DNAH6: variants seen among roughly 807,000 people sequenced by gnomAD.
The protein encoded by DNAH6 is axonemal beta dynein heavy chain 6.
DNAH6 carries 340 observed loss-of-function variants against 491.4 expected under a neutral mutation model. That is an observed-to-expected ratio of 0.69 (90% CI 0.63 to 0.76). The LOEUF is 0.76. DNAH6 is among the 30% of genes least tolerant of loss of function. The probability of loss-of-function intolerance (pLI) is 0.00; values close to 1 mark genes in which losing one functional copy is unlikely to be tolerated. For missense variants in DNAH6, 4,443 were observed against 4,972.2 expected (o/e 0.89, Z 3.20); for synonymous variants, 1,603 against 1,686.1 (o/e 0.95, Z 1.21).
chr2:84,525,506 A>G, intron 2 of DNAH6, 59 bp from the exon 3 acceptor site: 4 of 1,486,510 alleles, frequency 2.7e-6, no homozygotes, highest in Non-Finnish European at 3.6e-6. Flanking sequence ...GGTAGTGAAA[A>G]ATAAAACAAG....
the DNAH6 span, among the ~76,000 whole-genome samples, chr2:84,479,265 T>C: frequency 1.3e-5 from 2 of 152,218 alleles, no homozygotes; most frequent in African/African-American, 2.4e-5. Flanking sequence ...CACTTTGGGC[T>C]GCAGTATTAG....
At position 84,527,655 on chromosome 2, in the gene DNAH6, C is replaced by T. The variant is rs1676729131; in HGVS notation, c.400-1249C>T. Reference sequence around the variant, plus strand: ...AAGAGAACAGTGTTATTGCTGCCATCCCTGGCCAAGAAGTCAAAGACACAC... The same window carrying T: ...AAGAGAACAGTGTTATTGCTGCCATTCCTGGCCAAGAAGTCAAAGACACAC... On this transcript the variant is annotated intron_variant, in intron 3 of 76. Coordinates refer to ENST00000389394, the MANE Select transcript of DNAH6 (RefSeq NM_001370.2). Among the ~76,000 whole-genome samples the T allele has an allele frequency of 2.6e-5, 4 of 152,170 alleles. No individual in the cohort carries two copies. In the South Asian group the frequency reaches 8.3e-4, roughly 31 times the overall value.
chr2:84,499,613 C>G, the DNAH6 span, among the ~76,000 whole-genome samples: 1 of 152,162 alleles, frequency 6.6e-6, no homozygotes, highest in Non-Finnish European at 1.5e-5. Context: ...TGAGGAACCT[C>G]CAAACAGTTC....
the DNAH6 span, among the ~76,000 whole-genome samples, chr2:84,508,562 T>C: frequency 6.6e-6 from 1 of 152,198 alleles, no homozygotes; most frequent in Non-Finnish European, 1.5e-5. Context: ...ATGTCTTTAT[T>C]TCCTTTAGTT....
chr2:84,720,310 G>A (rs1394630242), intron 59 of DNAH6, among the ~76,000 whole-genome samples: 2 of 107,162 alleles, frequency 1.9e-5, no homozygotes, highest in Non-Finnish European at 3.4e-5. Flanking sequence ...ACAGAGTCTC[G>A]CTCTGTCGCC....
chr2:84,468,884 C>A, the DNAH6 span, among the ~76,000 whole-genome samples: 1 of 152,120 alleles, frequency 6.6e-6, no homozygotes, highest in Non-Finnish European at 1.5e-5. Flanking sequence ...GCCACATGAT[C>A]AAAAGGTCAA....
rs1699281862 is a variant in DNAH6 at position 84,733,486 on chromosome 2, A to G, written c.10249A>G (p.Thr3417Ala). 1 of 1,551,436 alleles carries G rather than the reference A, an allele frequency of 6.4e-7. No homozygotes were observed. Among genetic ancestry groups the G allele is most frequent in the Non-Finnish European group, 8.7e-7 (1 of 1,146,750 alleles). ...KPEAPWLPTATWFACCDLEES... is the reference protein window; with the variant it reads ...KPEAPWLPTAAWFACCDLEES... ...TGAAGCTCCCTGGCTACCTACTGCTACATGGTTCGCATGCTGTGACTTGGA... is the reference window on the plus strand; with the variant it reads ...TGAAGCTCCCTGGCTACCTACTGCTGCATGGTTCGCATGCTGTGACTTGGA... Residue 3417 changes from threonine (T) to alanine (A), a missense_variant, in exon 62 of 77, where the codon ACA (threonine) becomes GCA (alanine). Physicochemically the swap from Thr to Ala is moderately conservative, Grantham distance 58. This residue lies in a region of DNAH6 where 1,463 missense variants were observed against 1,656.6 expected (regional missense o/e 0.88). Transcript: ENST00000389394.
chr2:84,612,953 A>G (rs918527059), intron 22 of DNAH6, among the ~76,000 whole-genome samples: 4 of 152,122 alleles, frequency 2.6e-5, no homozygotes, highest in African/African-American at 7.2e-5. Context: ...ATGTTAGATT[A>G]CAGAGTGCTG....
chr2:84,810,314 A>C (rs1206253079), intron 72 of DNAH6, among the ~76,000 whole-genome samples: 1 of 152,218 alleles, frequency 6.6e-6, no homozygotes, highest in East Asian at 1.9e-4. Flanking sequence ...GACATACTAA[A>C]TCTTCCGTGA....
intron 41 of DNAH6, among the ~76,000 whole-genome samples, chr2:84,679,563 T>C (rs1693577827): frequency 6.6e-6 from 1 of 152,182 alleles, no homozygotes. Flanking sequence ...TGCCAAAGAA[T>C]CCTCCCAAAA....
Position 84,616,814 on chromosome 2 carries a change from A to T in DNAH6, c.3476-72A>T, listed in dbSNP as rs185741029. ...AGATTCATAAATTGATTACATTTTA[A>T]AGTGATATTTTTTCAGAAAAAAATT... On this transcript the variant is annotated intron_variant, in intron 22 of 76. Coordinates refer to ENST00000389394, the MANE Select transcript of DNAH6 (RefSeq NM_001370.2). 5.9e-6 allele frequency: 4 copies of T among 681,940 alleles called. No individual in the cohort carries two copies. In the East Asian group the frequency reaches 1.3e-4, roughly 23 times the overall value. The allele number at this position is 681,940 out of a possible 1,614,324, so 42.2% of individuals were successfully genotyped here.
chr2:84,512,808 ACTTTCTTTTG>A (rs1266837112), upstream of DNAH6, among the ~76,000 whole-genome samples: 14 of 152,104 alleles, frequency 9.2e-5, no homozygotes, highest in African/African-American at 3.4e-4. Context: ...AGCCACTGCC[ACTTTCTTTTG>A]CTTACAGTAT....
chr2:84,797,789 G>T, intron 70 of DNAH6, 131 bp downstream of exon 70: 2 of 855,552 alleles, frequency 2.3e-6, no homozygotes, highest in Non-Finnish European at 3.5e-6. Flanking sequence ...GTTTCACCTT[G>T]ACTTCAACAT....
chr2:84,642,254 T>A (rs972695114), intron 33 of DNAH6, among the ~76,000 whole-genome samples, 200 bp downstream of exon 33: 6 of 152,224 alleles, frequency 3.9e-5, no homozygotes, highest in Non-Finnish European at 5.9e-5. Context: ...TGTGTTTTTT[T>A]ATCAAAATAT....
At chr2:84,652,737 A>T (rs1481392005) in intron 33 of DNAH6, among the ~76,000 whole-genome samples, 1 of 152,052 alleles carries the variant, frequency 6.6e-6, no homozygotes, top group East Asian at 1.9e-4. Flanking sequence ...GTAAAGATTT[A>T]GCTTCTTTTT....
At chr2:84,605,387 T>G (rs1685665762) in intron 19 of DNAH6, 113 bp from the exon 20 acceptor site, 2 of 620,268 alleles carry the variant, frequency 3.2e-6, no homozygotes, top group Admixed American at 6.2e-5. Context: ...TAGAGAGCAA[T>G]AAGGAGGAAA....
chr2:84,575,800 T>C (rs1175321464), intron 12 of DNAH6, among the ~76,000 whole-genome samples: 1 of 151,902 alleles, frequency 6.6e-6, no homozygotes, highest in East Asian at 1.9e-4. Flanking sequence ...AGGAGAATGG[T>C]GTGAACCCAG....
At chr2:84,558,381 G>T (rs149191293) in intron 11 of DNAH6, among the ~76,000 whole-genome samples, 4 of 149,072 alleles carry the variant, frequency 2.7e-5, no homozygotes, top group African/African-American at 1.0e-4. Flanking sequence ...CCGAGATCGC[G>T]CCACTGCACT....
chr2:84,556,365 C>T (rs748661679), intron 10 of DNAH6, among the ~76,000 whole-genome samples: 1 of 152,184 alleles, frequency 6.6e-6, no homozygotes, highest in Non-Finnish European at 1.5e-5. Flanking sequence ...TGCAGAGTAT[C>T]CTATTTCTGC....
Sources: allele counts gnomAD v4.1 joint callset (sites outside exome capture counted in the v4.1 genomes callset), GRCh38; gene constraint gnomAD v4.1.1; regional missense constraint gnomAD v4.1.1; transcripts MANE v1.5; gene names NCBI Gene and HGNC (gene_info 2026-07-23, HGNC 2026-07-21).